CEP295: variants seen among roughly 807,000 people sequenced by gnomAD.
The protein encoded by CEP295 is centrosomal protein 295, also known as centrosomal protein of 295 kDa.
In CEP295, 190 loss-of-function variants were observed where a neutral mutation model predicts 291.6. The observed-to-expected ratio is 0.65, with a 90% confidence interval of 0.58 to 0.73. The LOEUF (loss-of-function observed/expected upper bound fraction) is 0.73. Among genes scored for constraint, CEP295 ranks in the 30% least tolerant of loss-of-function variants. The pLI is 0.00. For missense variants in CEP295, 2,863 were observed against 2,949.4 expected (o/e 0.97, Z 0.68); for synonymous variants, 993 against 1,038.8 (o/e 0.96, Z 0.85).
intron 9 of CEP295, among the ~76,000 whole-genome samples, chr11:93,686,372 A>G (rs955917063): frequency 1.1e-4 from 17 of 151,838 alleles, no homozygotes; most frequent in African/African-American, 4.1e-4. Flanking sequence ...AGTTATTTTC[A>G]TTGGGAGTAT....
intron 9 of CEP295, 129 bp from the exon 10 acceptor site, chr11:93,687,515 G>A (rs566292311): frequency 6.2e-5 from 36 of 580,444 alleles, no homozygotes; most frequent in Middle Eastern, 4.6e-4. Flanking sequence ...CTGTTAAATC[G>A]TAAATATGAG....
At chr11:93,670,752 T>C (rs1950405347) in intron 5 of CEP295, among the ~76,000 whole-genome samples, 1 of 152,220 alleles carries the variant, frequency 6.6e-6, no homozygotes, top group Admixed American at 6.5e-5. Context: ...GTATTATCCA[T>C]GATGCCTTTT....
chr11:93,699,415 C>A lies in CEP295; in HGVS notation c.4503C>A (p.His1501Gln). 6.4e-7 allele frequency: 1 copy of A among 1,551,716 alleles called. No homozygotes were observed. ...KVSSEHFIQS[H>Q]HGDLQALQQQ... is the part of the protein sequence containing the mutation. ...CTTCTGAGCATTTTATCCAGTCTCA[C>A]CATGGTGATTTGCAGGCACTTCAAC... Residue 1501 changes from histidine (H) to glutamine (Q), a missense_variant, in exon 15 of 30, where the codon CAC becomes CAA. This residue lies in a region of CEP295 where 2,295 missense variants were observed against 2,335.7 expected (regional missense o/e 0.98). Transcript: ENST00000325212.
At chr11:93,723,456 C>G in intron 21 of CEP295, 167 bp downstream of exon 21, 1 of 562,714 alleles carries the variant, frequency 1.8e-6, no homozygotes, top group Non-Finnish European at 3.1e-6. Flanking sequence ...GAAAGGGGAT[C>G]TGGAACCAAT....
chr11:93,693,742 G>A (rs940328638), intron 12 of CEP295, among the ~76,000 whole-genome samples: 5 of 151,392 alleles, frequency 3.3e-5, no homozygotes, highest in Admixed American at 6.6e-5. Flanking sequence ...CGACAAGAGC[G>A]AAACTATCTC....
chr11:93,668,832 C>T lies in CEP295; in HGVS notation c.334C>T (p.Gln112Ter), dbSNP rs1372217659. 1 of 1,526,434 alleles carries T rather than the reference C, an allele frequency of 6.6e-7. No homozygotes were observed. The highest frequency in any genetic ancestry group is 8.8e-7 in the Non-Finnish European group (1 of 1,136,444). The allele number at this position is 1,526,434 out of a possible 1,614,324, so 94.6% of individuals were successfully genotyped here. ...GGAACCTGATTTGGATGCTTTGGCA[C>T]AGCGGGCAGCAGAAAGGAAAAGAAA... Reference protein sequence around the residue: ...ENEPDLDALAQRAAERKRKAD... With the variant: ...ENEPDLDALA Residue 112 changes from glutamine (Q) to a stop codon, truncating the protein, a stop_gained, in exon 4 of 30, where the codon CAG (glutamine) becomes TAG (stop). Coordinates refer to ENST00000325212, the MANE Select transcript of CEP295 (RefSeq NM_033395.2). LOFTEE classifies it high-confidence loss of function.
chr11:93,713,203 T>G (rs1953027345), intron 18 of CEP295, among the ~76,000 whole-genome samples: 1 of 152,188 alleles, frequency 6.6e-6, no homozygotes. Context: ...GTTCATCTTT[T>G]TGTCTTTCTG....
At chr11:93,703,157 T>C (rs1952282063) in intron 17 of CEP295, among the ~76,000 whole-genome samples, 1 of 152,096 alleles carries the variant, frequency 6.6e-6, no homozygotes, top group Non-Finnish European at 1.5e-5. Flanking sequence ...AGAGACAGGG[T>C]TTCACCATAT....
At chr11:93,672,531 T>A (rs1449111934) in intron 5 of CEP295, among the ~76,000 whole-genome samples, 1 of 152,026 alleles carries the variant, frequency 6.6e-6, no homozygotes, top group Non-Finnish European at 1.5e-5. Flanking sequence ...AAAGCAATCC[T>A]CCTGCTTCCG....
At chr11:93,717,343 G>A (rs1394469924) in intron 18 of CEP295, among the ~76,000 whole-genome samples, 2 of 152,248 alleles carry the variant, frequency 1.3e-5, no homozygotes, top group Admixed American at 6.5e-5. Flanking sequence ...TACGAGGAAC[G>A]CACCTATAGT....
intron 5 of CEP295, among the ~76,000 whole-genome samples, chr11:93,672,157 G>A (rs890095026): frequency 6.6e-6 from 1 of 152,120 alleles, no homozygotes; most frequent in African/African-American, 2.4e-5. Flanking sequence ...TTATGTCAAG[G>A]TCTATTTCTA....
In CEP295 at chr11:93,695,582, G is replaced by A; in HGVS notation, c.1619G>A (p.Cys540Tyr). Residue 540 changes from cysteine to tyrosine, a missense_variant, in exon 13 of 30, where the codon TGC (cysteine) becomes TAC (tyrosine). This residue lies in a region of CEP295 where 2,295 missense variants were observed against 2,335.7 expected (regional missense o/e 0.98). Coordinates refer to ENST00000325212, the MANE Select transcript of CEP295 (RefSeq NM_033395.2). ...EQQKLRLETD[C>Y]FRAQLEEEKR... ...CAGAAATTAAGATTAGAAACTGACT[G>A]CTTCAGGGCTCAGCTGGAAGAAGAA... is the stretch of plus-strand genomic sequence containing the variant. 1 of 1,492,158 alleles carries A rather than the reference G, an allele frequency of 6.7e-7. No individual in the cohort carries two copies. Among genetic ancestry groups the A allele is most frequent in the Non-Finnish European group, 8.9e-7 (1 of 1,129,072 alleles). The allele number at this position is 1,492,158 out of a possible 1,614,324, so 92.4% of individuals were successfully genotyped here.
intron 18 of CEP295, among the ~76,000 whole-genome samples, chr11:93,711,114 A>T (rs1227406613): frequency 6.6e-6 from 1 of 150,564 alleles, no homozygotes; most frequent in African/African-American, 2.4e-5. Context: ...TTCTCCTCTG[A>T]TCTTTATTAT....
At chr11:93,708,990 G>A (rs547321973) in intron 18 of CEP295, among the ~76,000 whole-genome samples, 7 of 152,020 alleles carry the variant, frequency 4.6e-5, no homozygotes, top group Admixed American at 2.0e-4. Context: ...TTTTAATCAG[G>A]TAATTAGATT....
chr11:93,725,025 C>T (rs189040452), intron 22 of CEP295, among the ~76,000 whole-genome samples: 1 of 152,076 alleles, frequency 6.6e-6, no homozygotes, highest in Non-Finnish European at 1.5e-5. Context: ...GAGTCTGAGG[C>T]AGGTGGATTG....
chr11:93,682,940 C>T (rs1951045781), intron 7 of CEP295, among the ~76,000 whole-genome samples: 1 of 152,190 alleles, frequency 6.6e-6, no homozygotes, highest in African/African-American at 2.4e-5. Flanking sequence ...GAAGTCTTGC[C>T]TTGTTCTCCC....
In CEP295 at chr11:93,696,906, A is replaced by G; in HGVS notation, c.1994A>G (p.Gln665Arg). The G allele has an allele frequency of 6.4e-7, 1 of 1,552,056 alleles. No homozygotes were observed. The highest frequency in any genetic ancestry group is 1.2e-5 in the South Asian group (1 of 84,066). Residue 665 changes from glutamine to arginine, a missense_variant, in exon 15 of 30, where the codon CAG (glutamine) becomes CGG (arginine). By Grantham distance (43) the Gln-to-Arg change is conservative. This residue lies in a region of CEP295 where 2,295 missense variants were observed against 2,335.7 expected (regional missense o/e 0.98). Transcript: ENST00000325212. ...AAATACCAACCCATACAACCTATACAGACCTCCAAATTAGAACAAGATCAT... is the reference window on the plus strand; with the variant it reads ...AAATACCAACCCATACAACCTATACGGACCTCCAAATTAGAACAAGATCAT... ...PNKYQPIQPI[Q>R]TSKLEQDHFQ...
At chr11:93,670,476 T>C (rs1950388886) in intron 5 of CEP295, among the ~76,000 whole-genome samples, 1 of 152,208 alleles carries the variant, frequency 6.6e-6, no homozygotes, top group African/African-American at 2.4e-5. Context: ...GAAATGGCTA[T>C]TTGGATGATT....
chr11:93,667,683 G>T lies in CEP295; in HGVS notation c.185G>T (p.Arg62Leu), dbSNP rs370856142. Reference protein sequence around the residue: ...IKQRRNQQFTRLAEELRAEWE... With the variant: ...IKQRRNQQFTLLAEELRAEWE... Reference sequence around the variant, plus strand: ...CAGAGGAGAAATCAACAATTTACACGTTTGGCAGAGGAGCTAAGGGCAGAA... The same window carrying T: ...CAGAGGAGAAATCAACAATTTACACTTTTGGCAGAGGAGCTAAGGGCAGAA... The change falls in exon 3 of 30, where the codon CGT (arginine) becomes CTT (leucine). Residue 62 changes from arginine (R) to leucine (L), a missense_variant. Arg to Leu is a moderately radical substitution (Grantham distance 102). Coordinates refer to ENST00000325212, the MANE Select transcript of CEP295 (RefSeq NM_033395.2). The T allele has an allele frequency of 6.4e-7, 1 of 1,551,336 alleles. No individual in the cohort carries two copies. The highest frequency in any genetic ancestry group is 8.7e-7 in the Non-Finnish European group (1 of 1,146,684).
Sources: allele counts gnomAD v4.1 joint callset (sites outside exome capture counted in the v4.1 genomes callset), GRCh38; gene constraint gnomAD v4.1.1; regional missense constraint gnomAD v4.1.1; transcripts MANE v1.5; gene names NCBI Gene and HGNC (gene_info 2026-07-23, HGNC 2026-07-21).